The following RBAK variants were observed in gnomAD, a reference collection of about 807,000 sequenced individuals.
The protein encoded by RBAK is RB-associated KRAB zinc finger protein.
In RBAK, 39 loss-of-function variants were observed where a neutral mutation model predicts 65.8. That is an observed-to-expected ratio of 0.59 (90% CI 0.46 to 0.77). The LOEUF is 0.77. Among genes scored for constraint, RBAK ranks in the 30% least tolerant of loss-of-function variants. RBAK has a pLI of 0.00. For missense variants in RBAK, 884 were observed against 855.1 expected, an observed-to-expected ratio of 1.03 and a Z score of -0.42; for synonymous variants, 343 against 289.7, an observed-to-expected ratio of 1.18 and a Z score of -1.87.
At chr7:5,056,480 ATTC>A (rs1173792832) in intron 2 of RBAK, among the ~76,000 whole-genome samples, 1 of 152,036 alleles carries the variant, frequency 6.6e-6, no homozygotes, top group Non-Finnish European at 1.5e-5. Flanking sequence ...ACCTCATCAT[ATTC>A]TTCTTCCCCT....
intron 4 of RBAK, 42 bp from the exon 5 acceptor site, chr7:5,063,653 T>G (rs1309807496): frequency 2.1e-6 from 3 of 1,452,386 alleles, no homozygotes; most frequent in Non-Finnish European, 2.8e-6. Flanking sequence ...ATAGCTAGTG[T>G]GTTCAGATTT....
chr7:5,051,732 A>G (rs1045216767), intron 2 of RBAK, among the ~76,000 whole-genome samples: 1 of 152,186 alleles, frequency 6.6e-6, no homozygotes, highest in African/African-American at 2.4e-5. Context: ...GGTTTCCCTG[A>G]TCTTTCTTCA....
At chr7:5,050,507 C>T (rs192883928) in intron 2 of RBAK, among the ~76,000 whole-genome samples, 40 of 152,308 alleles carry the variant, frequency 2.6e-4, no homozygotes, top group Admixed American at 1.5e-3. Flanking sequence ...CTGTGATTTA[C>T]TAGTTCATTA....
At position 5,046,353 on chromosome 7, in the gene RBAK, G is replaced by C. The variant is rs1358223927; in HGVS notation, c.-88G>C. 1 of 515,770 alleles carries C rather than the reference G, an allele frequency of 1.9e-6. No homozygotes were observed. The highest frequency in any genetic ancestry group is 5.5e-5 in the East Asian group (1 of 18,328). The allele number at this position is 515,770 out of a possible 1,614,324, so 31.9% of individuals were successfully genotyped here. A position where few individuals can be genotyped will look rare whatever the true frequency, so the allele number is the denominator to read the frequency against. ...CGCCAGCGACAGCAGCCCCGCCCCG[G>C]CCTCTCGGGAGCCGTGGGGCAGAGG... On this transcript the variant is annotated 5_prime_UTR_variant, in exon 1 of 5. Transcript: ENST00000396912.
rs765468882 is a variant in RBAK at position 5,065,615 on chromosome 7, T to C, written c.*14T>C. The C allele has an allele frequency of 1.4e-6, 2 of 1,474,938 alleles. No individual in the cohort carries two copies. The highest frequency in any genetic ancestry group is 1.4e-5 in the African/African-American group (1 of 70,828). 91.4% of individuals were successfully genotyped at this position (1,474,938 alleles called of 1,614,324 possible). On this transcript the variant is annotated 3_prime_UTR_variant, in exon 5 of 5. Coordinates refer to ENST00000396912, the MANE Select transcript of RBAK (RefSeq NM_021163.4). This position sits in a 1 kb window ranked among gnomAD's most constrained non-coding sequence, Gnocchi z 5.3. ...GAAAATCTCTGAAGTCAGATCTCAA[T>C]TTTTAGAAAACTCTCTGAATATAAT...
Position 5,057,335 on chromosome 7 carries a change from A to G in RBAK, c.56A>G (p.Gln19Arg). ...AAAGATGTGGCTGTGGATTTCACCC[A>G]GGAGGAGTGGCAGCAGCTGGACCCT... is the stretch of plus-strand genomic sequence containing the variant. The part of the protein sequence containing the change: ...SFKDVAVDFT[Q>R]EEWQQLDPDE... The change falls in exon 3 of 5, where the codon CAG (glutamine) becomes CGG (arginine). Residue 19 changes from glutamine (Q) to arginine (R), a missense_variant. Coordinates refer to ENST00000396912, the MANE Select transcript of RBAK (RefSeq NM_021163.4). 1 of 1,614,026 alleles carries G rather than the reference A, an allele frequency of 6.2e-7. No individual in the cohort carries two copies. Among genetic ancestry groups the G allele is most frequent in the African/African-American group, 1.3e-5 (1 of 74,990 alleles).
At chr7:5,049,533 GC>G (rs926892472) in intron 2 of RBAK, among the ~76,000 whole-genome samples, 3 of 152,078 alleles carry the variant, frequency 2.0e-5, no homozygotes, top group African/African-American at 7.2e-5. Context: ...TGATTTCATT[GC>G]AGTCAAATCC....
rs1195485938 is a variant in RBAK at position 5,046,273 on chromosome 7, G to A, written c.-168G>A. On this transcript the variant is annotated 5_prime_UTR_variant, in exon 1 of 5. Transcript: ENST00000396912. ...CCCTTAGGCCCGGCCCGGGCCCCTC[G>A]GGAGCAGAACAACCTTAGTGAGGTG... is the stretch of plus-strand genomic sequence containing the variant. 1.9e-6 allele frequency: 1 copy of A among 516,342 alleles called. No homozygotes were observed. Among genetic ancestry groups the A allele is most frequent in the East Asian group, 5.5e-5 (1 of 18,312 alleles). 32.0% of individuals were successfully genotyped at this position (516,342 alleles called of 1,614,324 possible). A position where few individuals can be genotyped will look rare whatever the true frequency, so the allele number is the denominator to read the frequency against.
chr7:5,049,861 G>A (rs1788077812), intron 2 of RBAK, among the ~76,000 whole-genome samples: 1 of 151,928 alleles, frequency 6.6e-6, no homozygotes, highest in Non-Finnish European at 1.5e-5. Context: ...ATAGCTACAG[G>A]CGCAAGCTGC....
intron 1 of RBAK, among the ~76,000 whole-genome samples, chr7:5,047,565 C>T (rs1788016965): frequency 6.8e-6 from 1 of 147,226 alleles, no homozygotes; most frequent in African/African-American, 2.5e-5. Flanking sequence ...TACAAAGTTA[C>T]AAGTGCATGC....
Position 5,065,823 on chromosome 7 carries a change from A to C in RBAK, c.*222A>C. 1 of 356,182 alleles carries C rather than the reference A, an allele frequency of 2.8e-6. No homozygotes were observed. The highest frequency in any genetic ancestry group is 4.3e-5 in the East Asian group (1 of 23,332). The allele number at this position is 356,182 out of a possible 1,614,324, so 22.1% of individuals were successfully genotyped here. The stretch of plus-strand genomic sequence containing the variant: ...TACGACTCATCGGACACTAATTTAT[A>C]TAGGAGTGAAGTTTTATAAATATTT... On this transcript the variant is annotated 3_prime_UTR_variant, in exon 5 of 5. Coordinates refer to ENST00000396912, the MANE Select transcript of RBAK (RefSeq NM_021163.4). This position sits in a 1 kb window ranked among gnomAD's most constrained non-coding sequence, Gnocchi z 5.3.
intron 1 of RBAK, among the ~76,000 whole-genome samples, chr7:5,047,442 AT>A (rs992620412): frequency 1.3e-4 from 20 of 149,654 alleles, no homozygotes; most frequent in South Asian, 6.3e-4. Flanking sequence ...TATAATGGGA[AT>A]TTTTTTTTTC....
chr7:5,069,409 A>G lies in RBAK; in HGVS notation c.*3808A>G, dbSNP rs767138778. 1 of 152,202 alleles carries G rather than the reference A, an allele frequency of 6.6e-6. No individual in the cohort carries two copies. Among genetic ancestry groups the G allele is most frequent in the Non-Finnish European group, 1.5e-5 (1 of 68,038 alleles). 9.4% of individuals were successfully genotyped at this position (152,202 alleles called of 1,614,324 possible). A position where few individuals can be genotyped will look rare whatever the true frequency, so the allele number is the denominator to read the frequency against. On this transcript the variant is annotated 3_prime_UTR_variant, in exon 5 of 5. Transcript: ENST00000396912. ...GAATCATTACATACTTTGTCATCCTATACTTTTGCATATATAAATAGGTCT... is the reference window on the plus strand; with the variant it reads ...GAATCATTACATACTTTGTCATCCTGTACTTTTGCATATATAAATAGGTCT...
intron 1 of RBAK, among the ~76,000 whole-genome samples, chr7:5,047,616 T>C (rs1788023036): frequency 7.0e-6 from 1 of 141,936 alleles, no homozygotes; most frequent in African/African-American, 2.6e-5. Flanking sequence ...TTTTTTTTTT[T>C]TTTTTTTTTT....
chr7:5,057,712 CATT>C lies in RBAK; in HGVS notation c.173_175del (p.Ile58del). 1.9e-6 allele frequency: 3 copies of C among 1,613,914 alleles called. No homozygotes were observed. Among genetic ancestry groups the C allele is most frequent in the Non-Finnish European group, 2.5e-6 (3 of 1,179,852 alleles). Reference sequence around the variant, plus strand: ...ATGATACCACCAAGCCAAACGTCATCATTAAGTTGGAGCAGGGAGAGGAGCCGT... The same window carrying C: ...ATGATACCACCAAGCCAAACGTCATCAAGTTGGAGCAGGGAGAGGAGCCGT... On this transcript the variant is annotated inframe_deletion, in exon 4 of 5. Transcript: ENST00000396912.
At chr7:5,055,029 G>A (rs565092720) in intron 2 of RBAK, among the ~76,000 whole-genome samples, 3 of 151,964 alleles carry the variant, frequency 2.0e-5, no homozygotes, top group Admixed American at 6.5e-5. Context: ...TGATCTGCCC[G>A]CCTCGGCCTC....
Position 5,065,517 on chromosome 7 carries a change from A to G in RBAK, c.2061A>G (p.Lys687=). 1 of 1,606,198 alleles carries G rather than the reference A, an allele frequency of 6.2e-7. No individual in the cohort carries two copies. Among genetic ancestry groups the G allele is most frequent in the South Asian group, 1.1e-5 (1 of 89,316 alleles). ...KPYECNECGK[K]FHHRSAFNSH... ...ATGAATGTAACGAGTGTGGGAAAAA[A>G]TTCCACCACAGATCAGCCTTCAATA... Residue 687 remains lysine (K), a synonymous_variant, in exon 5 of 5, where the codon AAA becomes AAG. Transcript: ENST00000396912. The surrounding 1 kb of genome is among the most constrained non-coding windows in gnomAD (Gnocchi z 5.3).
In RBAK at chr7:5,067,903, G is replaced by A. The variant is rs1198683644; in HGVS notation, c.*2302G>A. ...TTTGATAAAAAGTTATTTGGAGGTG[G>A]ATTGCAGATCTGAATATGAAATGTG... On this transcript the variant is annotated 3_prime_UTR_variant, in exon 5 of 5. Coordinates refer to ENST00000396912, the MANE Select transcript of RBAK (RefSeq NM_021163.4). 1.3e-5 allele frequency: 2 copies of A among 152,204 alleles called. No individual in the cohort carries two copies. The highest frequency in any genetic ancestry group is 2.9e-5 in the Non-Finnish European group (2 of 68,032). The allele number at this position is 152,204 out of a possible 1,614,324, so 9.4% of individuals were successfully genotyped here. A position where few individuals can be genotyped will look rare whatever the true frequency, so the allele number is the denominator to read the frequency against.
intron 4 of RBAK, among the ~76,000 whole-genome samples, chr7:5,059,711 G>A (rs1237308884): frequency 6.6e-6 from 1 of 152,110 alleles, no homozygotes; most frequent in Non-Finnish European, 1.5e-5. Context: ...TCCAGTCAGC[G>A]ATTGTTACCT....
Sources: gnomAD v4.1 joint callset for allele counts (sites outside exome capture counted in the v4.1 genomes callset) on GRCh38, gnomAD v4.1.1 for gene constraint, Gnocchi (gnomAD v3.1) non-coding constraint, MANE v1.5 for transcripts, NCBI Gene and HGNC (gene_info 2026-07-23, HGNC 2026-07-21) for gene names.